The following BTBD9 variants were observed in gnomAD, a reference collection of about 807,000 sequenced individuals.
The protein encoded by BTBD9 is BTB/POZ domain-containing protein 9.
Under a neutral mutation model 64.3 loss-of-function variants are expected in BTBD9, and 49 were observed. That is an observed-to-expected ratio of 0.76 (90% CI 0.61 to 0.97). The LOEUF is 0.97. Among genes scored for constraint, BTBD9 ranks in the 50% least tolerant of loss-of-function variants. The pLI, the probability that BTBD9 is intolerant of heterozygous loss-of-function variation, is 0.00. For missense variants in BTBD9, 598 were observed against 762.1 expected, an observed-to-expected ratio of 0.78 and a Z score of 2.53; for synonymous variants, 260 against 274.7, an observed-to-expected ratio of 0.95 and a Z score of 0.53.
Position 38,580,338 on chromosome 6 carries a change from A to T in BTBD9, c.914T>A (p.Leu305Ter), listed in dbSNP as rs759365366. ...LLDGDTQNYD[L>*]DHGFSRHPID... ...TGGGTGCCTTGAAAATCCATGATCC[A>T]AATCATAATTTTGAGTATCACCATC... Residue 305 changes from leucine to a stop codon, truncating the protein, a stop_gained, in exon 5 of 11, where the codon TTG (leucine) becomes TAG (stop). Transcript: ENST00000481247. LOFTEE classifies it high-confidence loss of function. 3 of 1,614,116 alleles carry T rather than the reference A, an allele frequency of 1.9e-6. No individual in the cohort carries two copies. Among genetic ancestry groups the T allele is most frequent in the African/African-American group, 2.7e-5 (2 of 74,942 alleles).
chr6:38,435,815 C>T (rs899953590), intron 6 of BTBD9, among the ~76,000 whole-genome samples: 14 of 150,854 alleles, frequency 9.3e-5, no homozygotes, highest in African/African-American at 2.5e-5. Flanking sequence ...ATTACAGGTG[C>T]CCGCCACTGC....
At chr6:38,338,799 T>TAAGAAGAG (rs1458986395) in intron 7 of BTBD9, among the ~76,000 whole-genome samples, 1 of 152,052 alleles carries the variant, frequency 6.6e-6, no homozygotes, top group African/African-American at 2.4e-5. Context: ...AGAAGACTCA[T>TAAGAAGAG]AAGAAGAGAA....
At chr6:38,554,392 A>C (rs894706437) in intron 6 of BTBD9, among the ~76,000 whole-genome samples, 9 of 152,352 alleles carry the variant, frequency 5.9e-5, no homozygotes, top group Non-Finnish European at 1.3e-4. Flanking sequence ...AATAAATGGA[A>C]GTGCCAGCCA....
chr6:38,319,320 C>T (rs1388737123), intron 7 of BTBD9, among the ~76,000 whole-genome samples: 1 of 152,128 alleles, frequency 6.6e-6, no homozygotes, highest in Non-Finnish European at 1.5e-5. Flanking sequence ...ATAATAATCC[C>T]TTTATTATTC....
At chr6:38,480,310 T>C (rs1771079043) in intron 6 of BTBD9, among the ~76,000 whole-genome samples, 1 of 152,178 alleles carries the variant, frequency 6.6e-6, no homozygotes, top group African/African-American at 2.4e-5. Flanking sequence ...AGAGACAGCA[T>C]GCATTCAACA....
At chr6:38,199,286 C>T (rs1762375175) in intron 9 of BTBD9, among the ~76,000 whole-genome samples, 1 of 152,122 alleles carries the variant, frequency 6.6e-6, no homozygotes, top group South Asian at 2.1e-4. Flanking sequence ...CTTTCAGGCC[C>T]CCGTGATACA....
chr6:38,371,424 C>A (rs1765421857), intron 6 of BTBD9, among the ~76,000 whole-genome samples: 1 of 152,208 alleles, frequency 6.6e-6, no homozygotes, highest in Admixed American at 6.5e-5. Context: ...CGATCACTGG[C>A]TGGGAGGACT....
intron 6 of BTBD9, among the ~76,000 whole-genome samples, chr6:38,460,918 C>T (rs192406101): frequency 6.6e-6 from 1 of 152,214 alleles, no homozygotes; most frequent in South Asian, 2.1e-4. Flanking sequence ...CCACCACGCC[C>T]GGCCCCACAG....
intron 10 of BTBD9, among the ~76,000 whole-genome samples, chr6:38,180,342 T>C (rs1021975231): frequency 6.6e-6 from 1 of 151,544 alleles, no homozygotes; most frequent in East Asian, 1.9e-4. Flanking sequence ...TGGAGAGGAG[T>C]GTGAGGGAAG....
At chr6:38,496,655 T>TAAAA (rs951014301) in intron 6 of BTBD9, among the ~76,000 whole-genome samples, 2 of 125,164 alleles carry the variant, frequency 1.6e-5, no homozygotes. Flanking sequence ...CCCTGTCTCT[T>TAAAA]AAAAAAAAAA....
chr6:38,292,493 G>C (rs1762000023), intron 7 of BTBD9, among the ~76,000 whole-genome samples: 1 of 152,096 alleles, frequency 6.6e-6, no homozygotes, highest in African/African-American at 2.4e-5. Context: ...CTCAATTTCA[G>C]AATTTGTTAT....
intron 6 of BTBD9, among the ~76,000 whole-genome samples, chr6:38,553,063 T>C (rs1774883370): frequency 6.6e-6 from 1 of 152,260 alleles, no homozygotes; most frequent in East Asian, 1.9e-4. Context: ...AGATTACTTA[T>C]ACCTAACACA....
intron 2 of BTBD9, 47 bp downstream of exon 2, chr6:38,597,863 T>C: frequency 6.5e-7 from 1 of 1,548,414 alleles, no homozygotes; most frequent in Non-Finnish European, 8.8e-7. Flanking sequence ...AATACCAGTG[T>C]TTTCTACAAG....
intron 1 of BTBD9, among the ~76,000 whole-genome samples, chr6:38,623,281 A>G (rs982283480): frequency 7.2e-5 from 11 of 152,174 alleles, no homozygotes; most frequent in African/African-American, 2.7e-4. Flanking sequence ...AGACTCTATC[A>G]GTGCCCCTCA....
At chr6:38,493,747 T>G (rs1771804804) in intron 6 of BTBD9, among the ~76,000 whole-genome samples, 1 of 152,164 alleles carries the variant, frequency 6.6e-6, no homozygotes, top group Admixed American at 6.5e-5. Context: ...TGTGGGGAGA[T>G]GAGCACTGAA....
chr6:38,546,453 A>G (rs996675555), intron 6 of BTBD9, among the ~76,000 whole-genome samples: 18 of 152,168 alleles, frequency 1.2e-4, no homozygotes, highest in Non-Finnish European at 1.0e-4. Flanking sequence ...TTTAATGCAA[A>G]TATACTTCAT....
At chr6:38,415,719 C>T (rs547435620) in intron 6 of BTBD9, among the ~76,000 whole-genome samples, 16 of 152,298 alleles carry the variant, frequency 1.1e-4, no homozygotes, top group African/African-American at 2.4e-4. Context: ...TCTTCATCCC[C>T]GTTATTGCAA....
intron 6 of BTBD9, among the ~76,000 whole-genome samples, chr6:38,545,932 A>G (rs550312006): frequency 4.6e-5 from 7 of 150,648 alleles, no homozygotes; most frequent in African/African-American, 1.7e-4. Flanking sequence ...AGACTATAGG[A>G]ATGTGAGAAT....
At chr6:38,503,877 A>G (rs555833634) in intron 6 of BTBD9, among the ~76,000 whole-genome samples, 2 of 152,232 alleles carry the variant, frequency 1.3e-5, no homozygotes, top group Non-Finnish European at 2.9e-5. Context: ...AAGAAAAATC[A>G]TAACTCTGCC....
Sources: gnomAD v4.1 joint callset for allele counts (sites outside exome capture counted in the v4.1 genomes callset) on GRCh38, gnomAD v4.1.1 for gene constraint, MANE v1.5 for transcripts, NCBI Gene and HGNC (gene_info 2026-07-23, HGNC 2026-07-21) for gene names.